ASXL3: variants seen among roughly 807,000 people sequenced by gnomAD.
The protein encoded by ASXL3 is putative Polycomb group protein ASXL3.
In ASXL3, 34 loss-of-function variants were observed where a neutral mutation model predicts 170.6. The ratio of observed to expected loss-of-function variants is 0.20; its 90% CI spans 0.15 to 0.27. ASXL3 has a LOEUF of 0.27. ASXL3 is among the 10% of genes least tolerant of loss of function. The pLI is 1.00. For synonymous variants in ASXL3, 1,002 were observed against 989.1 expected, an observed-to-expected ratio of 1.01 and a Z score of -0.24; for missense variants, 2,592 against 2,695.3, an observed-to-expected ratio of 0.96 and a Z score of 0.85.
At chr18:33,612,403 T>G (rs2065349603) in intron 2 of ASXL3, among the ~76,000 whole-genome samples, 1 of 152,106 alleles carries the variant, frequency 6.6e-6, no homozygotes, top group Admixed American at 6.6e-5. Context: ...CAGTATCTAT[T>G]GTGTTTAGCG....
Position 33,745,886 on chromosome 18 carries a change from C to T in ASXL3, c.6038C>T (p.Ala2013Val). 1 of 1,613,388 alleles carries T rather than the reference C, an allele frequency of 6.2e-7. No individual in the cohort carries two copies. Among genetic ancestry groups the T allele is most frequent in the African/African-American group, 1.3e-5 (1 of 74,942 alleles). ...ACTGCACACACAATGCCAAACAAAG[C>T]ACTAGTACATCCGCCGCCGCCACCG... ...GGTAHTMPNK[A>V]LVHPPPPPPP... is the part of the protein sequence containing the mutation. The change falls in exon 12 of 12, where the codon GCA becomes GTA. Residue 2013 changes from alanine to valine, a missense_variant. This residue lies in a region of ASXL3 where 2,246 missense variants were observed against 2,219.6 expected (regional missense o/e 1.01). Transcript: ENST00000269197.
At chr18:33,659,933 C>T (rs1281802000) in intron 4 of ASXL3, among the ~76,000 whole-genome samples, 5 of 152,160 alleles carry the variant, frequency 3.3e-5, no homozygotes, top group African/African-American at 4.8e-5. Context: ...TTTTCCTTGT[C>T]GGGGGCTGAG....
At chr18:33,604,120 A>G (rs931796841) in intron 1 of ASXL3, among the ~76,000 whole-genome samples, 9 of 152,084 alleles carry the variant, frequency 5.9e-5, no homozygotes, top group African/African-American at 1.2e-4. Flanking sequence ...TAAATAATGT[A>G]GGAAAGATAA....
At chr18:33,676,755 TC>T (rs1181547938) in intron 7 of ASXL3, among the ~76,000 whole-genome samples, 1 of 152,174 alleles carries the variant, frequency 6.6e-6, no homozygotes, top group African/African-American at 2.4e-5. Context: ...TCTTGCCTAA[TC>T]AGTTGTTTTA....
intron 7 of ASXL3, among the ~76,000 whole-genome samples, chr18:33,681,095 T>TATA (rs1314311821): frequency 6.6e-6 from 1 of 152,102 alleles, no homozygotes; most frequent in Non-Finnish European, 1.5e-5. Context: ...AACTAGTTCA[T>TATA]ATCTCTCTTG....
At chr18:33,704,323 A>G (rs533265377) in intron 8 of ASXL3, among the ~76,000 whole-genome samples, 1 of 152,234 alleles carries the variant, frequency 6.6e-6, no homozygotes, top group South Asian at 2.1e-4. Context: ...ATATTAAAGT[A>G]TAGATTGTCA....
At chr18:33,607,413 C>T (rs1029559720) in intron 1 of ASXL3, among the ~76,000 whole-genome samples, 181 bp from the exon 2 acceptor site, 5 of 151,796 alleles carry the variant, frequency 3.3e-5, no homozygotes, top group Admixed American at 1.3e-4. Flanking sequence ...CAGAAATTTC[C>T]GATTTAAATG....
Position 33,744,648 on chromosome 18 carries a change from G to A in ASXL3, c.4800G>A (p.Gln1600=). Residue 1600 remains glutamine, a synonymous_variant, in exon 12 of 12, where the codon CAG becomes CAA. Coordinates refer to ENST00000269197, the MANE Select transcript of ASXL3 (RefSeq NM_030632.3). The stretch of plus-strand genomic sequence containing the variant: ...AAGCAGACACAACCTGTAGCAATCA[G>A]TATAACCCAAGTAACCGGATTTGCT... The part of the protein sequence containing the change: ...KSEADTTCSN[Q]YNPSNRICWN... 1 of 1,606,664 alleles carries A rather than the reference G, an allele frequency of 6.2e-7. No homozygotes were observed. Among genetic ancestry groups the A allele is most frequent in the East Asian group, 2.2e-5 (1 of 44,712 alleles).
chr18:33,580,759 C>T (rs2064984902), intron 1 of ASXL3, among the ~76,000 whole-genome samples: 2 of 152,126 alleles, frequency 1.3e-5, no homozygotes, highest in Admixed American at 1.3e-4. Context: ...TAGGAGTCAT[C>T]AACACAAAAG....
At chr18:33,732,167 A>G (rs1407074937) in intron 9 of ASXL3, 103 bp downstream of exon 9, 2 of 788,386 alleles carry the variant, frequency 2.5e-6, no homozygotes, top group East Asian at 2.8e-5. Context: ...GACACAGTAC[A>G]CTTTAATTTA....
intron 1 of ASXL3, among the ~76,000 whole-genome samples, chr18:33,595,913 C>G (rs2065122158): frequency 6.6e-6 from 1 of 152,106 alleles, no homozygotes; most frequent in Non-Finnish European, 1.5e-5. Context: ...ATGTCAGCTT[C>G]AGGAATGTAA....
intron 6 of ASXL3, among the ~76,000 whole-genome samples, chr18:33,671,417 T>C (rs1268892633): frequency 6.6e-6 from 1 of 152,242 alleles, no homozygotes; most frequent in Non-Finnish European, 1.5e-5. Context: ...TTTCCGTGTC[T>C]GTCTTGTGTT....
At chr18:33,655,782 A>C (rs1480203588) in intron 4 of ASXL3, among the ~76,000 whole-genome samples, 1 of 152,120 alleles carries the variant, frequency 6.6e-6, no homozygotes, top group East Asian at 1.9e-4. Context: ...TACTATACAT[A>C]AAACAAATTA....
Position 33,607,636 on chromosome 18 carries a change from A to T in ASXL3, c.97A>T (p.Ile33Leu). ...CAACTCACCAATGACAGCAAAGCAG[A>T]TATTGGAAGTCATTCAGAAAGAAGG... is the stretch of plus-strand genomic sequence containing the variant. ...HPNSPMTAKQ[I>L]LEVIQKEGLK... The change falls in exon 2 of 12, where the codon ATA becomes TTA. Residue 33 changes from isoleucine to leucine, a missense_variant. Physicochemically the swap from Ile to Leu is conservative, Grantham distance 5. Coordinates refer to ENST00000269197, the MANE Select transcript of ASXL3 (RefSeq NM_030632.3). 6.3e-7 allele frequency: 1 copy of T among 1,590,640 alleles called. No individual in the cohort carries two copies. The highest frequency in any genetic ancestry group is 1.1e-5 in the South Asian group (1 of 87,124).
chr18:33,586,646 C>T (rs551673645), intron 1 of ASXL3, among the ~76,000 whole-genome samples: 97 of 152,154 alleles, frequency 6.4e-4, no homozygotes, highest in Non-Finnish European at 1.1e-3. Flanking sequence ...TTTCCTCCCC[C>T]TCCTCTTTAT....
chr18:33,669,856 C>T (rs1426538489), intron 5 of ASXL3, among the ~76,000 whole-genome samples: 3 of 151,996 alleles, frequency 2.0e-5, no homozygotes, highest in African/African-American at 7.3e-5. Context: ...GTGCTTAAGA[C>T]CCTTTTTATT....
chr18:33,644,816 G>T, intron 2 of ASXL3, 78 bp from the exon 3 acceptor site: 1 of 837,700 alleles, frequency 1.2e-6, no homozygotes, highest in South Asian at 2.3e-5. Context: ...AAGAGAGAGC[G>T]AGCGAGACTC....
At chr18:33,677,206 T>A (rs1222423877) in intron 7 of ASXL3, among the ~76,000 whole-genome samples, 1 of 152,198 alleles carries the variant, frequency 6.6e-6, no homozygotes, top group Non-Finnish European at 1.5e-5. Context: ...TATAGCTTTG[T>A]TGGTTTTATA....
intron 1 of ASXL3, among the ~76,000 whole-genome samples, chr18:33,606,278 G>A (rs1354224280): frequency 2.6e-5 from 4 of 151,552 alleles, no homozygotes; most frequent in South Asian, 2.1e-4. Context: ...TCACATATTC[G>A]TTGCCATACC....
Sources: allele counts gnomAD v4.1 joint callset (sites outside exome capture counted in the v4.1 genomes callset), GRCh38; gene constraint gnomAD v4.1.1; regional missense constraint gnomAD v4.1.1; transcripts MANE v1.5; gene names NCBI Gene and HGNC (gene_info 2026-07-23, HGNC 2026-07-21).